ACACA: variants seen among roughly 807,000 people sequenced by gnomAD.
ACACA encodes acetyl-CoA carboxylase 1.
ACACA carries 103 observed loss-of-function variants against 296.1 expected under a neutral mutation model. That is an observed-to-expected ratio of 0.35 (90% CI 0.30 to 0.41). The LOEUF (loss-of-function observed/expected upper bound fraction) is 0.41. Among genes scored for constraint, ACACA ranks in the 10% least tolerant of loss-of-function variants. The probability of loss-of-function intolerance (pLI) is 1.00; values close to 1 mark genes in which losing one functional copy is unlikely to be tolerated. For missense variants in ACACA, 1,554 were observed against 2,989.7 expected (o/e 0.52, Z 11.20); for synonymous variants, 953 against 1,038.6 (o/e 0.92, Z 1.58).
At chr17:37,372,478 T>G (rs1416289267) in intron 1 of ACACA, among the ~76,000 whole-genome samples, 1 of 151,046 alleles carries the variant, frequency 6.6e-6, no homozygotes, top group East Asian at 1.9e-4. Context: ...AGAAGAGGCC[T>G]TGTAAGCCAT....
chr17:37,116,022 T>A (rs1324999971), intron 50 of ACACA, among the ~76,000 whole-genome samples: 1 of 152,038 alleles, frequency 6.6e-6, no homozygotes, highest in Non-Finnish European at 1.5e-5. Context: ...CGCCAGGTTC[T>A]CACTCTGTCT....
chr17:37,096,586 G>A (rs1276799360), intron 54 of ACACA, among the ~76,000 whole-genome samples: 3 of 152,072 alleles, frequency 2.0e-5, no homozygotes, highest in South Asian at 2.1e-4. Context: ...GTATCTTCTC[G>A]CTGTGCTCTG....
chr17:37,286,163 T>C (rs1211500499), intron 3 of ACACA, among the ~76,000 whole-genome samples: 1 of 152,204 alleles, frequency 6.6e-6, no homozygotes, highest in African/African-American at 2.4e-5. Context: ...GTGTTGTGAT[T>C]ACAGGCATGA....
chr17:37,281,589 C>T (rs763040363), intron 5 of ACACA, among the ~76,000 whole-genome samples: 34 of 152,046 alleles, frequency 2.2e-4, no homozygotes, highest in African/African-American at 6.3e-4. Flanking sequence ...GAAACCGGAC[C>T]GGGCGCAGTG....
At chr17:37,118,562 T>C (rs1040299059) in intron 50 of ACACA, among the ~76,000 whole-genome samples, 6 of 152,154 alleles carry the variant, frequency 3.9e-5, no homozygotes, top group African/African-American at 1.2e-4. Context: ...TATAGGGATA[T>C]TCTAGTAGAT....
intron 1 of ACACA, among the ~76,000 whole-genome samples, chr17:37,342,436 A>AAAAAAT (rs1555652530): frequency 3.3e-4 from 19 of 58,210 alleles, no homozygotes; most frequent in Non-Finnish European, 4.9e-4. Context: ...AAAAAAAAAA[A>AAAAAAT]ATATATATAT....
chr17:37,400,197 G>A (rs1483195711), intron 1 of ACACA, among the ~76,000 whole-genome samples: 1 of 152,098 alleles, frequency 6.6e-6, no homozygotes, highest in African/African-American at 2.4e-5. Context: ...TTGGCTCACT[G>A]CAACCTCTGC....
At chr17:37,261,206 C>A (rs1303125019) in intron 11 of ACACA, among the ~76,000 whole-genome samples, 9 of 152,082 alleles carry the variant, frequency 5.9e-5, no homozygotes, top group Non-Finnish European at 1.3e-4. Context: ...TTGTATCCCC[C>A]CAAACAGAAA....
intron 2 of ACACA, among the ~76,000 whole-genome samples, chr17:37,338,614 C>CA (rs894540266): frequency 6.2e-4 from 91 of 147,426 alleles, no homozygotes; most frequent in Non-Finnish European, 1.0e-3. Flanking sequence ...TCTCAAAAAA[C>CA]AAAAAAAAAC....
chr17:37,228,253 C>A (rs1045264575), intron 25 of ACACA, among the ~76,000 whole-genome samples: 3 of 108,086 alleles, frequency 2.8e-5, no homozygotes, highest in African/African-American at 7.2e-5. Flanking sequence ...TAATGAGATT[C>A]TGGTTCCCTA....
chr17:37,304,559 T>C (rs2018578), intron 3 of ACACA, among the ~76,000 whole-genome samples: 76,213 of 151,920 alleles, frequency 0.5, 21,717 homozygotes, highest in East Asian at 0.75. Flanking sequence ...CTTTGGAAGG[T>C]AGAGGCGGGC....
rs115783360 is a variant in ACACA at position 37,231,774 on chromosome 17, A to G, written c.3246+3201T>C. 9.7e-3 allele frequency among the ~76,000 whole-genome samples: 1,483 copies of G among 152,370 alleles called. 23 individuals carry two copies. The highest frequency in any genetic ancestry group is 0.034 in the African/African-American group (1,411 of 41,574). On this transcript the variant is annotated intron_variant, in intron 25 of 55. Coordinates refer to ENST00000616317, the MANE Select transcript of ACACA (RefSeq NM_198834.3). ...TATGTACATTGCCATCTAGACAGCT[A>G]TGAAGATGTTGATACTTTGTATTTG...
At chr17:37,405,338 T>C (rs2051438906) in intron 1 of ACACA, among the ~76,000 whole-genome samples, 1 of 152,172 alleles carries the variant, frequency 6.6e-6, no homozygotes, top group South Asian at 2.1e-4. Flanking sequence ...TAATATGAGC[T>C]CCATGAGGCA....
At chr17:37,214,902 C>T (rs1451275920) in intron 29 of ACACA, among the ~76,000 whole-genome samples, 1 of 152,226 alleles carries the variant, frequency 6.6e-6, no homozygotes, top group Non-Finnish European at 1.5e-5. Flanking sequence ...TATCTCAGTA[C>T]TATCCAAAGA....
At chr17:37,224,357 A>T (rs2079438475) in intron 27 of ACACA, among the ~76,000 whole-genome samples, 1 of 152,180 alleles carries the variant, frequency 6.6e-6, no homozygotes, top group Admixed American at 6.5e-5. Context: ...TGTTACAGAA[A>T]GTCTAAAGAT....
intron 45 of ACACA, chr17:37,141,094 G>T: frequency 4.5e-6 from 2 of 443,744 alleles, no homozygotes; most frequent in South Asian, 3.7e-5. Flanking sequence ...GTCCCTGATG[G>T]CAACAAACAT....
intron 1 of ACACA, among the ~76,000 whole-genome samples, chr17:37,404,171 T>C (rs1277625781): frequency 6.6e-6 from 1 of 152,210 alleles, no homozygotes; most frequent in Non-Finnish European, 1.5e-5. Context: ...TTGTTGACAA[T>C]CATGACATCC....
At chr17:37,338,862 C>T (rs1169852871) in intron 2 of ACACA, among the ~76,000 whole-genome samples, 4 of 151,302 alleles carry the variant, frequency 2.6e-5, no homozygotes, top group African/African-American at 9.8e-5. Flanking sequence ...ATTGCTTGAA[C>T]CCAGGAGGCA....
intron 16 of ACACA, 63 bp downstream of exon 16, chr17:37,251,942 G>T: frequency 7.0e-7 from 1 of 1,437,904 alleles, no homozygotes; most frequent in Non-Finnish European, 9.8e-7. Context: ...GGGTCTTTGA[G>T]CTTCAGTCCC....
Sources: gnomAD v4.1 joint callset for allele counts (sites outside exome capture counted in the v4.1 genomes callset) on GRCh38, gnomAD v4.1.1 for gene constraint, MANE v1.5 for transcripts, NCBI Gene and HGNC (gene_info 2026-07-23, HGNC 2026-07-21) for gene names.